The following NFKBIZ variants were observed in gnomAD, a reference collection of about 807,000 sequenced individuals.
NFKBIZ encodes NF-kappa-B inhibitor zeta.
Under a neutral mutation model 76.8 loss-of-function variants are expected in NFKBIZ, and 19 were observed. The ratio of observed to expected loss-of-function variants is 0.25; its 90% CI spans 0.17 to 0.36. The LOEUF (loss-of-function observed/expected upper bound fraction) is 0.36, where lower values mean the gene tolerates loss of function less well. Ranked by LOEUF, NFKBIZ falls within the 10% of genes least tolerant of loss-of-function variation. The probability of loss-of-function intolerance (pLI) is 1.00; values close to 1 mark genes in which losing one functional copy is unlikely to be tolerated. For missense variants in NFKBIZ, 829 were observed against 910.9 expected, an observed-to-expected ratio of 0.91 and a Z score of 1.16; for synonymous variants, 368 against 354.8, an observed-to-expected ratio of 1.04 and a Z score of -0.42.
intron 2 of NFKBIZ, among the ~76,000 whole-genome samples, chr3:101,829,864 G>A (rs1209524657): frequency 6.9e-6 from 1 of 145,126 alleles, no homozygotes; most frequent in East Asian, 2.0e-4. Flanking sequence ...GTGATTTCAT[G>A]AGAACTAAGA....
chr3:101,836,345 G>A (rs1030269084), intron 2 of NFKBIZ, among the ~76,000 whole-genome samples: 8 of 152,198 alleles, frequency 5.3e-5, no homozygotes, highest in Non-Finnish European at 1.2e-4. Context: ...GAGGATAGTA[G>A]GGAGGCTCTC....
chr3:101,853,402 G>A lies in NFKBIZ; in HGVS notation c.876G>A (p.Gln292=), dbSNP rs1452212848. ...DQASLYQYSP[Q]NQHVEQQPHY... ...CTTCCCTGTACCAGTATTCTCCACA[G>A]AACCAGCATGTAGAGCAGCAGCCAC... is the stretch of plus-strand genomic sequence containing the variant. Residue 292 remains glutamine, a synonymous_variant, in exon 5 of 12, where the codon CAG becomes CAA. Transcript: ENST00000326172. 1 of 1,614,120 alleles carries A rather than the reference G, an allele frequency of 6.2e-7. No homozygotes were observed. The highest frequency in any genetic ancestry group is 1.7e-5 in the Admixed American group (1 of 60,014).
At chr3:101,846,451 G>T (rs1942853870), upstream of NFKBIZ, among the ~76,000 whole-genome samples, 2 of 152,172 alleles carry the variant, frequency 1.3e-5, no homozygotes, top group African/African-American at 4.8e-5. Context: ...GGGGGTTGTG[G>T]TCTTGTCAAA....
intron 2 of NFKBIZ, among the ~76,000 whole-genome samples, chr3:101,834,287 G>A (rs2107394747): frequency 6.6e-6 from 1 of 151,764 alleles, no homozygotes; most frequent in East Asian, 1.9e-4. Context: ...TCTTTTCCCT[G>A]CCCTGCCCTG....
In NFKBIZ at chr3:101,852,757, A is replaced by G. The variant is rs769146530; in HGVS notation, c.449A>G (p.Glu150Gly). Residue 150 changes from glutamate (E) to glycine (G), a missense_variant, in exon 3 of 12, where the codon GAA becomes GGA. Around this residue, in one of 4 missense-constraint regions of NFKBIZ, gnomAD observed 371 missense variants for 332.3 expected, o/e 1.12. Transcript: ENST00000326172. ...TTATAGACACAAGGTGTGAACATAGAACAGTTCAGAGGTAAGAGTTACTTG... is the reference window on the plus strand; with the variant it reads ...TTATAGACACAAGGTGTGAACATAGGACAGTTCAGAGGTAAGAGTTACTTG... ...DDFKTQGVNIEQFRELKNTVS... is the reference protein window; with the variant it reads ...DDFKTQGVNIGQFRELKNTVS... 6.2e-7 allele frequency: 1 copy of G among 1,611,426 alleles called. No individual in the cohort carries two copies. The highest frequency in any genetic ancestry group is 8.5e-7 in the Non-Finnish European group (1 of 1,179,046).
At chr3:101,850,159 C>T (rs1004068524) in intron 1 of NFKBIZ, 3 of 396,742 alleles carry the variant, frequency 7.6e-6, no homozygotes, top group South Asian at 8.4e-5. Context: ...AGAAACCGCT[C>T]GGCCGAGCTC....
chr3:101,842,050 A>G (rs1046615274), intron 2 of NFKBIZ, among the ~76,000 whole-genome samples: 2 of 152,302 alleles, frequency 1.3e-5, no homozygotes, highest in South Asian at 4.2e-4. Context: ...AGACTCATAA[A>G]TGGTTAATTT....
chr3:101,837,104 G>A (rs1036164043), intron 2 of NFKBIZ, among the ~76,000 whole-genome samples: 3 of 152,084 alleles, frequency 2.0e-5, no homozygotes, highest in African/African-American at 7.2e-5. Flanking sequence ...TTTTCTCTGG[G>A]AGTACTGCCA....
chr3:101,857,341 G>A lies in NFKBIZ; in HGVS notation c.1985G>A (p.Arg662Gln), dbSNP rs1397074896. The change falls in exon 11 of 12, where the codon CGG becomes CAG. Residue 662 changes from arginine (R) to glutamine (Q), a missense_variant. Arg to Gln is a conservative substitution (Grantham distance 43). Coordinates refer to ENST00000326172, the MANE Select transcript of NFKBIZ (RefSeq NM_031419.4). ...CATGTTGCTGCCAGCTTGCAGTATC[G>A]GTTGACACAATTAGATGCTGTCCGC... ...ALHVAASLQY[R>Q]LTQLDAVRLL... The A allele has an allele frequency of 3.7e-6, 6 of 1,614,064 alleles. No individual in the cohort carries two copies. The highest frequency in any genetic ancestry group is 2.7e-5 in the African/African-American group (2 of 74,920).
At position 101,852,113 on chromosome 3, in the gene NFKBIZ, G is replaced by T. The variant is rs747037414; in HGVS notation, c.318G>T (p.Gln106His). The T allele has an allele frequency of 2.5e-6, 4 of 1,614,074 alleles. No homozygotes were observed. The African/African-American group carries it at 5.3e-5, about 22-fold the overall frequency. Residue 106 changes from glutamine (Q) to histidine (H), a missense_variant, in exon 2 of 12, where the codon CAG becomes CAT. Physicochemically the swap from Gln to His is conservative, Grantham distance 24. Coordinates refer to ENST00000326172, the MANE Select transcript of NFKBIZ (RefSeq NM_031419.4). The stretch of plus-strand genomic sequence containing the variant: ...AGCCCCATATGGGGGTTGGCAGGCA[G>T]CAGAGAGGCCCCTTTCAAGGTGTTC... ...PVEPHMGVGR[Q>H]QRGPFQGVRV...
At position 101,857,063 on chromosome 3, in the gene NFKBIZ, C is replaced by T. The variant is rs766326681; in HGVS notation, c.1825-10C>T. ...TTTTTTTTTTTTTCCTCCCTCTTGC[C>T]TTTGACAAGGATCGCAAAAGTGGCC... On this transcript the variant is annotated splice_polypyrimidine_tract_variant and intron_variant, in intron 9 of 11. Transcript: ENST00000326172. The T allele has an allele frequency of 6.3e-6, 10 of 1,586,284 alleles. No individual in the cohort carries two copies. The Admixed American group carries it at 1.6e-4, about 25-fold the overall frequency.
chr3:101,840,902 T>C (rs984085389), intron 2 of NFKBIZ, among the ~76,000 whole-genome samples: 2 of 152,226 alleles, frequency 1.3e-5, no homozygotes, highest in Admixed American at 6.5e-5. Context: ...GCATCTCCTT[T>C]GATGCTTTCA....
rs761001817 is a variant in NFKBIZ at position 101,855,473 on chromosome 3, CT to C, written c.1654+18del. The C allele has an allele frequency of 6.2e-7, 1 of 1,611,568 alleles. No homozygotes were observed. ...TAACTATGATGGTAAGCAACTGAAA[CT>C]TTATTAGATTCAGAGCCACTTAGGG... On this transcript the variant is annotated intron_variant, in intron 8 of 11. Coordinates refer to ENST00000326172, the MANE Select transcript of NFKBIZ (RefSeq NM_031419.4).
chr3:101,841,025 G>T (rs1053437377), intron 2 of NFKBIZ, among the ~76,000 whole-genome samples: 1 of 152,174 alleles, frequency 6.6e-6, no homozygotes, highest in South Asian at 2.1e-4. Context: ...ACTTAACGGG[G>T]TATCAAGTTT....
intron 1 of NFKBIZ, among the ~76,000 whole-genome samples, chr3:101,829,406 C>G (rs1942613555): frequency 6.6e-6 from 1 of 152,202 alleles, no homozygotes; most frequent in Admixed American, 6.5e-5. Context: ...AAACCCTTCT[C>G]TTTCTTGTCC....
chr3:101,837,136 G>C (rs1942730410), intron 2 of NFKBIZ, among the ~76,000 whole-genome samples: 1 of 152,078 alleles, frequency 6.6e-6, no homozygotes, highest in South Asian at 2.1e-4. Flanking sequence ...GTGTGATGAA[G>C]TCATAAAATA....
In NFKBIZ at chr3:101,849,575, C is replaced by T. The variant is rs962555144; in HGVS notation, c.-54C>T. The T allele has an allele frequency of 7.8e-6, 10 of 1,289,908 alleles. No homozygotes were observed. The African/African-American group carries it at 1.2e-4, about 16-fold the overall frequency. 79.9% of individuals were successfully genotyped at this position (1,289,908 alleles called of 1,614,324 possible). A position where few individuals can be genotyped will look rare whatever the true frequency, so the allele number is the denominator to read the frequency against. ...TGAGCCAGCCCGGGAGGCAGCCGCG[C>T]GCAGCGAGCCGGTGGCGCAGGTGTC... On this transcript the variant is annotated 5_prime_UTR_variant, in exon 1 of 12. Coordinates refer to ENST00000326172, the MANE Select transcript of NFKBIZ (RefSeq NM_031419.4).
At chr3:101,829,759 G>T (rs1046391861) in intron 2 of NFKBIZ, 95 of 152,102 alleles carry the variant, frequency 6.2e-4, no homozygotes, top group African/African-American at 2.2e-3. Context: ...TGTCAAAAAG[G>T]GCAGTGGGAT....
Position 101,855,783 on chromosome 3 carries a change from G to A in NFKBIZ, c.1705G>A (p.Glu569Lys), listed in dbSNP as rs1262155007. 6.2e-7 allele frequency: 1 copy of A among 1,613,728 alleles called. No individual in the cohort carries two copies. The change falls in exon 9 of 12, where the codon GAA becomes AAA. Residue 569 changes from glutamate to lysine, a missense_variant. By Grantham distance (56) the Glu-to-Lys change is moderately conservative. This residue lies in a region of NFKBIZ where 272 missense variants were observed against 384.2 expected (regional missense o/e 0.71). Coordinates refer to ENST00000326172, the MANE Select transcript of NFKBIZ (RefSeq NM_031419.4). ...AVIAHNAVVH[E>K]LQRNQQPHSP... is the part of the protein sequence containing the mutation. The stretch of plus-strand genomic sequence containing the variant: ...CATAGCCCACAATGCTGTGGTCCAT[G>A]AACTCCAGAGAAATCAACAGCCTCA...
Sources: gnomAD v4.1 joint callset for allele counts (sites outside exome capture counted in the v4.1 genomes callset) on GRCh38, gnomAD v4.1.1 for gene constraint, gnomAD v4.1.1 regional missense constraint, MANE v1.5 for transcripts, NCBI Gene and HGNC (gene_info 2026-07-23, HGNC 2026-07-21) for gene names.